KCTD4: variants seen among roughly 807,000 people sequenced by gnomAD.
The protein encoded by KCTD4 is potassium channel tetramerization domain containing 4.
A neutral mutation model predicts 18.3 loss-of-function variants in KCTD4; 12 were observed. The ratio of observed to expected loss-of-function variants is 0.66; its 90% CI spans 0.42 to 1.06. KCTD4 has a LOEUF of 1.06. Among genes scored for constraint, KCTD4 ranks in the 50% least tolerant of loss-of-function variants. The probability of loss-of-function intolerance (pLI) is 0.00; values close to 1 mark genes in which losing one functional copy is unlikely to be tolerated. For missense variants in KCTD4, 250 were observed against 303.4 expected, an observed-to-expected ratio of 0.82 and a Z score of 1.31; for synonymous variants, 124 against 110.5, an observed-to-expected ratio of 1.12 and a Z score of -0.76.
At chr13:45,199,612 A>AC (rs1285682883) in intron 1 of KCTD4, among the ~76,000 whole-genome samples, 4 of 152,236 alleles carry the variant, frequency 2.6e-5, no homozygotes, top group African/African-American at 9.6e-5. Flanking sequence ...CATCAAATGA[A>AC]CATTAAAATT....
At chr13:45,195,400 A>G (rs762559350) in intron 1 of KCTD4, among the ~76,000 whole-genome samples, 25 of 152,160 alleles carry the variant, frequency 1.6e-4, no homozygotes, top group South Asian at 4.1e-4. Context: ...GTGCTGAACA[A>G]AGACTTGGAC....
At position 45,194,121 on chromosome 13, in the gene KCTD4, G is replaced by T; in HGVS notation, c.447C>A (p.His149Gln). The T allele has an allele frequency of 6.2e-7, 1 of 1,613,906 alleles. No homozygotes were observed. The highest frequency in any genetic ancestry group is 8.5e-7 in the Non-Finnish European group (1 of 1,179,838). ...AGATTCTTAATCCTTGTGAACGATC[G>T]TGGTTATCTGTTATTTCCAAGAAAG... ...ETTFLEITDN[H>Q]DRSQGLRIFC... The change falls in exon 2 of 2, where the codon CAC (histidine) becomes CAA (glutamine). Residue 149 changes from histidine (H) to glutamine (Q), a missense_variant. Physicochemically the swap from His to Gln is conservative, Grantham distance 24. Coordinates refer to ENST00000379108, the MANE Select transcript of KCTD4 (RefSeq NM_198404.3).
intron 1 of KCTD4, among the ~76,000 whole-genome samples, chr13:45,198,881 A>G (rs1873036291): frequency 6.6e-6 from 1 of 152,132 alleles, no homozygotes; most frequent in Admixed American, 6.6e-5. Context: ...TTGTGTGTTA[A>G]AAATAAAAAT....
intron 1 of KCTD4, among the ~76,000 whole-genome samples, chr13:45,197,114 T>G (rs1039813192): frequency 2.6e-5 from 4 of 151,902 alleles, no homozygotes; most frequent in African/African-American, 7.3e-5. Flanking sequence ...CTGGCAACAG[T>G]AGTATAACTG....
At chr13:45,195,576 A>G (rs1872849861) in intron 1 of KCTD4, among the ~76,000 whole-genome samples, 1 of 152,170 alleles carries the variant, frequency 6.6e-6, no homozygotes, top group South Asian at 2.1e-4. Flanking sequence ...AAATCACCAA[A>G]GCCTAACCTT....
chr13:45,199,024 G>A (rs1359976879), intron 1 of KCTD4, among the ~76,000 whole-genome samples: 2 of 152,114 alleles, frequency 1.3e-5, no homozygotes, highest in African/African-American at 4.8e-5. Context: ...GTCTGCTACT[G>A]GTATTACACT....
chr13:45,197,785 G>A (rs779291709), intron 1 of KCTD4, among the ~76,000 whole-genome samples: 34 of 152,158 alleles, frequency 2.2e-4, no homozygotes, highest in Non-Finnish European at 3.7e-4. Flanking sequence ...TATAAAAATG[G>A]TGCTTCAGTA....
chr13:45,194,665 G>A lies in KCTD4; in HGVS notation c.-98C>T. 8.9e-7 allele frequency: 1 copy of A among 1,129,566 alleles called. No individual in the cohort carries two copies. The highest frequency in any genetic ancestry group is 1.3e-6 in the Non-Finnish European group (1 of 783,606). 70.0% of individuals were successfully genotyped at this position (1,129,566 alleles called of 1,614,324 possible). A position where few individuals can be genotyped will look rare whatever the true frequency, so the allele number is the denominator to read the frequency against. ...CACGCCTTTATTCAGCCCCAGCCTG[G>A]TGATGGAATGGAAACGCTGGCAGCA... On this transcript the variant is annotated 5_prime_UTR_variant, in exon 2 of 2. Transcript: ENST00000379108.
chr13:45,193,581 G>T lies in KCTD4; in HGVS notation c.*207C>A, dbSNP rs1278340391. ...TAGAAGGTTACTGTTTTCATTTTAG[G>T]TGGAAGAGTCTGATCAGTAGGAACA... On this transcript the variant is annotated 3_prime_UTR_variant, in exon 2 of 2. Transcript: ENST00000379108. The T allele has an allele frequency of 6.0e-6, 3 of 500,774 alleles. No homozygotes were observed. Among genetic ancestry groups the T allele is most frequent in the Non-Finnish European group, 1.1e-5 (3 of 285,680 alleles). The allele number at this position is 500,774 out of a possible 1,614,324, so 31.0% of individuals were successfully genotyped here.
rs1330694464 is a variant in KCTD4, at chr13:45,200,661, C to T, written c.-188+163G>A. ...AGTAAAGAGCAGCTTTTTAATAATA[C>T]AGGGATAGAAAGTTTGCCTAACTGG... On this transcript the variant is annotated intron_variant, in intron 1 of 1. Transcript: ENST00000379108. Among the ~76,000 whole-genome samples, 6 of 152,124 alleles carry T rather than the reference C, an allele frequency of 3.9e-5. No individual in the cohort carries two copies. In the East Asian group the frequency reaches 1.2e-3, roughly 29 times the overall value.
In KCTD4 at chr13:45,193,884, GA is replaced by G; in HGVS notation, c.683del (p.Ile228ThrfsTer2). 6.2e-7 allele frequency: 1 copy of G among 1,614,122 alleles called. No homozygotes were observed. The highest frequency in any genetic ancestry group is 8.5e-7 in the Non-Finnish European group (1 of 1,179,984). ...CTLETLKFEA[I>X]MMALKCGFRL... ...TAAAGCCACACTTTAAAGCCATCAT[GA>G]TAGCCTCAAACTTAAGAGTTTCCAA... On this transcript the variant is annotated frameshift_variant, in exon 2 of 2. Transcript: ENST00000379108. LOFTEE classifies it high-confidence loss of function.
At chr13:45,199,137 T>G (rs995048801) in intron 1 of KCTD4, among the ~76,000 whole-genome samples, 2 of 152,214 alleles carry the variant, frequency 1.3e-5, no homozygotes, top group Non-Finnish European at 2.9e-5. Context: ...GGACGTAACC[T>G]CTGGCCACAA....
In KCTD4 at chr13:45,193,690, A is replaced by C; in HGVS notation, c.*98T>G. ...GATTAGTAGCAGGGCTCTGTAGTAC[A>C]GAGCTAGCTGGGCATGTTATTTGGG... is the stretch of plus-strand genomic sequence containing the variant. On this transcript the variant is annotated 3_prime_UTR_variant, in exon 2 of 2. Transcript: ENST00000379108. 1.4e-5 allele frequency: 16 copies of C among 1,116,378 alleles called. No homozygotes were observed. The highest frequency in any genetic ancestry group is 1.9e-5 in the Non-Finnish European group (15 of 771,566). The allele number at this position is 1,116,378 out of a possible 1,614,324, so 69.2% of individuals were successfully genotyped here.
chr13:45,193,757 T>A lies in KCTD4; in HGVS notation c.*31A>T. 2 of 1,540,886 alleles carry A rather than the reference T, an allele frequency of 1.3e-6. No individual in the cohort carries two copies. The highest frequency in any genetic ancestry group is 1.3e-5 in the South Asian group (1 of 78,248). On this transcript the variant is annotated 3_prime_UTR_variant, in exon 2 of 2. Transcript: ENST00000379108. Reference sequence around the variant, plus strand: ...GGTTTTCCGAAGCTTGCTGGCTGCATGCTTGTTGCCTTTGTTCGTGACACA... The same window carrying A: ...GGTTTTCCGAAGCTTGCTGGCTGCAAGCTTGTTGCCTTTGTTCGTGACACA...
At chr13:45,199,725 A>G (rs1467584040) in intron 1 of KCTD4, among the ~76,000 whole-genome samples, 1 of 152,224 alleles carries the variant, frequency 6.6e-6, no homozygotes, top group Non-Finnish European at 1.5e-5. Context: ...ATTATCTACA[A>G]TCTCAAAATG....
Position 45,194,484 on chromosome 13 carries a change from C to G in KCTD4, c.84G>C (p.Lys28Asn). The G allele has an allele frequency of 6.2e-7, 1 of 1,614,144 alleles. No individual in the cohort carries two copies. Among genetic ancestry groups the G allele is most frequent in the Non-Finnish European group, 8.5e-7 (1 of 1,179,986 alleles). ...GGGTCATCAGTGTGGATTTGCAGTTCTTTCCTTGATCAGTATCTTCCAGGC... is the reference window on the plus strand; with the variant it reads ...GGGTCATCAGTGTGGATTTGCAGTTGTTTCCTTGATCAGTATCTTCCAGGC... ...HNSLEDTDQG[K>N]NCKSTLMTLN... The change falls in exon 2 of 2, where the codon AAG (lysine) becomes AAC (asparagine). Residue 28 changes from lysine to asparagine, a missense_variant. By Grantham distance (94) the Lys-to-Asn change is moderately conservative (BLOSUM62 0). Coordinates refer to ENST00000379108, the MANE Select transcript of KCTD4 (RefSeq NM_198404.3).
At chr13:45,195,166 A>G (rs1003677370) in intron 1 of KCTD4, among the ~76,000 whole-genome samples, 2 of 152,196 alleles carry the variant, frequency 1.3e-5, no homozygotes, top group African/African-American at 4.8e-5. Flanking sequence ...TTAACCTGCT[A>G]CTTGTGACAC....
chr13:45,194,295 G>T lies in KCTD4; in HGVS notation c.273C>A (p.Asn91Lys). Residue 91 changes from asparagine (N) to lysine (K), a missense_variant, in exon 2 of 2, where the codon AAC becomes AAA. Coordinates refer to ENST00000379108, the MANE Select transcript of KCTD4 (RefSeq NM_198404.3). Reference sequence around the variant, plus strand: ...ATAGAAGTTCTCCATTTCGTAGGAAGTTTAGGACATGCCTGAAGAGGAGAC... The same window carrying T: ...ATAGAAGTTCTCCATTTCGTAGGAATTTTAGGACATGCCTGAAGAGGAGAC... ...RDGLLFRHVL[N>K]FLRNGELLLP... 2 of 1,614,160 alleles carry T rather than the reference G, an allele frequency of 1.2e-6. No individual in the cohort carries two copies. The highest frequency in any genetic ancestry group is 1.7e-6 in the Non-Finnish European group (2 of 1,180,010).
At chr13:45,198,513 G>T (rs1873014824) in intron 1 of KCTD4, among the ~76,000 whole-genome samples, 1 of 152,118 alleles carries the variant, frequency 6.6e-6, no homozygotes, top group South Asian at 2.1e-4. Flanking sequence ...ATAAGAACAG[G>T]GAGCTTCTGT....
Sources: allele counts gnomAD v4.1 joint callset (sites outside exome capture counted in the v4.1 genomes callset), GRCh38; gene constraint gnomAD v4.1.1; transcripts MANE v1.5; gene names NCBI Gene and HGNC (gene_info 2026-07-23, HGNC 2026-07-21).